The following E2F8 variants were observed in gnomAD, a reference collection of about 807,000 sequenced individuals.
The protein encoded by E2F8 is transcription factor E2F8.
Under a neutral mutation model 80.8 loss-of-function variants are expected in E2F8, and 35 were observed. That is an observed-to-expected ratio of 0.43 (90% CI 0.33 to 0.57). The LOEUF is 0.57. Among genes scored for constraint, E2F8 ranks in the 20% least tolerant of loss-of-function variants. The pLI, the probability that E2F8 is intolerant of heterozygous loss-of-function variation, is 0.04. For missense variants in E2F8, 975 were observed against 1,056.2 expected, an observed-to-expected ratio of 0.92 and a Z score of 1.07; for synonymous variants, 386 against 395.0, an observed-to-expected ratio of 0.98 and a Z score of 0.27.
chr11:19,227,943 C>T (rs964610285), intron 10 of E2F8, among the ~76,000 whole-genome samples: 5 of 152,054 alleles, frequency 3.3e-5, no homozygotes, highest in African/African-American at 9.7e-5. Context: ...AAAAATTAGC[C>T]GGGCATGGCA....
At chr11:19,225,942 A>G in intron 10 of E2F8, 78 bp from the exon 11 acceptor site, 7 of 1,526,908 alleles carry the variant, frequency 4.6e-6, no homozygotes, top group Non-Finnish European at 5.3e-6. Context: ...TTCAGGACTA[A>G]TATCCCTTGG....
rs117985474 is a variant in E2F8 at position 19,228,591 on chromosome 11, A to T, written c.1893+863T>A. ...CACAGTGCTTTATATCCAGTAGGTG[A>T]TGAGGAAAAACTGGTGGAATAAATT... On this transcript the variant is annotated intron_variant, in intron 10 of 12. Transcript: ENST00000250024. Among the ~76,000 whole-genome samples the T allele has an allele frequency of 1.7e-3, 266 of 152,360 alleles. 3 individuals are homozygous for T. The highest frequency in any genetic ancestry group is 2.8e-3 in the Non-Finnish European group (188 of 68,030).
chr11:19,233,613 G>C (rs988111647), intron 6 of E2F8, among the ~76,000 whole-genome samples: 1 of 151,874 alleles, frequency 6.6e-6, no homozygotes, highest in African/African-American at 2.4e-5. Flanking sequence ...TCAGCCTCCT[G>C]AGTAACTGGG....
chr11:19,230,543 G>T, intron 8 of E2F8, 88 bp downstream of exon 8: 1 of 1,429,500 alleles, frequency 7.0e-7, no homozygotes, highest in South Asian at 1.3e-5. Flanking sequence ...ATAATTCTCT[G>T]ACAACTATTG....
In E2F8 at chr11:19,237,433, G is replaced by T; in HGVS notation, c.332C>A (p.Pro111Gln). ...TCCTAAACTTTTCTCTTTTCGACTTGGTTGGGATTTCTCAAATTCATCTCC... is the reference window on the plus strand; with the variant it reads ...TCCTAAACTTTTCTCTTTTCGACTTTGTTGGGATTTCTCAAATTCATCTCC... Reference protein sequence around the residue: ...LSGDEFEKSQPSRKEKSLGLL... With the variant: ...LSGDEFEKSQQSRKEKSLGLL... The change falls in exon 4 of 13, where the codon CCA (proline) becomes CAA (glutamine). Residue 111 changes from proline to glutamine, a missense_variant. By Grantham distance (76) the Pro-to-Gln change is moderately conservative. Coordinates refer to ENST00000250024, the MANE Select transcript of E2F8 (RefSeq NM_024680.4). 5.0e-6 allele frequency: 8 copies of T among 1,613,926 alleles called. No individual in the cohort carries two copies. The highest frequency in any genetic ancestry group is 6.8e-6 in the Non-Finnish European group (8 of 1,179,956).
At position 19,225,623 on chromosome 11, in the gene E2F8, G is replaced by A; in HGVS notation, c.2027-8C>T. On this transcript the variant is annotated splice_polypyrimidine_tract_variant and splice_region_variant and intron_variant, in intron 11 of 12. Coordinates refer to ENST00000250024, the MANE Select transcript of E2F8 (RefSeq NM_024680.4). ...ATGTCACTGGAATAACACCTGGAAG[G>A]AAAAGGGGGAAGATATCTTAAAAGC... 1.2e-6 allele frequency: 2 copies of A among 1,611,928 alleles called. No homozygotes were observed. The highest frequency in any genetic ancestry group is 2.2e-5 in the South Asian group (2 of 90,966).
intron 10 of E2F8, 60 bp from the exon 11 acceptor site, chr11:19,225,924 G>A (rs565015670): frequency 1.5e-5 from 23 of 1,567,758 alleles, no homozygotes; most frequent in Non-Finnish European, 1.8e-5. Flanking sequence ...AAATGGCCAC[G>A]TGCCTCTTTC....
rs1414665375 is a variant in E2F8, at chr11:19,224,611, C to T, written c.*47G>A. 1 of 1,590,126 alleles carries T rather than the reference C, an allele frequency of 6.3e-7. No individual in the cohort carries two copies. The highest frequency in any genetic ancestry group is 1.3e-5 in the African/African-American group (1 of 74,258). ...CCAAATCAGTCTGTGTACATTTTCT[C>T]TATTAAACAACTCTTTAGAAAATTA... On this transcript the variant is annotated 3_prime_UTR_variant, in exon 13 of 13. Transcript: ENST00000250024.
chr11:19,230,241 C>A lies in E2F8; in HGVS notation c.1358G>T (p.Ser453Ile), dbSNP rs758701981. The A allele has an allele frequency of 6.2e-7, 1 of 1,612,026 alleles. No homozygotes were observed. Among genetic ancestry groups the A allele is most frequent in the Non-Finnish European group, 8.5e-7 (1 of 1,179,510 alleles). ...ICKMQLEEQS[S>I]ESRQKVKVQL... is the part of the protein sequence containing the mutation. ...TTATTAAAGAGGATTGCCAACCTACCTTGATTGCTCTTCTAACTGCATTTT... is the reference window on the plus strand; with the variant it reads ...TTATTAAAGAGGATTGCCAACCTACATTGATTGCTCTTCTAACTGCATTTT... Residue 453 changes from serine (S) to isoleucine (I), a missense_variant and splice_region_variant, in exon 9 of 13, where the codon AGT (serine) becomes ATT (isoleucine). Physicochemically the swap from Ser to Ile is moderately radical, Grantham distance 142. Coordinates refer to ENST00000250024, the MANE Select transcript of E2F8 (RefSeq NM_024680.4).
chr11:19,232,722 T>G (rs117811261), intron 6 of E2F8, among the ~76,000 whole-genome samples: 246 of 152,334 alleles, frequency 1.6e-3, no homozygotes, highest in Non-Finnish European at 3.1e-3. Flanking sequence ...TTCAGAAGAA[T>G]TTTATGAGCA....
chr11:19,229,349 T>C lies in E2F8; in HGVS notation c.1893+105A>G. The C allele has an allele frequency of 1.4e-6, 2 of 1,457,456 alleles. No individual in the cohort carries two copies. The highest frequency in any genetic ancestry group is 1.8e-6 in the Non-Finnish European group (2 of 1,081,430). The allele number at this position is 1,457,456 out of a possible 1,614,324, so 90.3% of individuals were successfully genotyped here. On this transcript the variant is annotated intron_variant, in intron 10 of 12. Transcript: ENST00000250024. The surrounding 1 kb of genome is among the most constrained non-coding windows in gnomAD (Gnocchi z 4.3). ...TTATGGGATGCTAAGGAACAGTTCCTTGTCTTCTGAGAGAATGCTCTTCGG... is the reference window on the plus strand; with the variant it reads ...TTATGGGATGCTAAGGAACAGTTCCCTGTCTTCTGAGAGAATGCTCTTCGG...
intron 10 of E2F8, among the ~76,000 whole-genome samples, chr11:19,227,097 G>A (rs568363847): frequency 3.3e-5 from 5 of 152,234 alleles, no homozygotes; most frequent in South Asian, 2.1e-4. Flanking sequence ...GCTAAAAACC[G>A]CTCTTATAAA....
At chr11:19,235,654 C>G (rs1851498412) in intron 4 of E2F8, among the ~76,000 whole-genome samples, 1 of 80,328 alleles carries the variant, frequency 1.2e-5, no homozygotes, top group Middle Eastern at 5.6e-3. Flanking sequence ...GTCTCAAAAA[C>G]AAACAAACAA....
chr11:19,225,708 G>C (rs763527229), intron 11 of E2F8, 24 bp downstream of exon 11: 5 of 1,613,916 alleles, frequency 3.1e-6, no homozygotes, highest in Non-Finnish European at 4.2e-6. Context: ...GCCCACATCT[G>C]GTTAGTGTTT....
rs772548159 is a variant in E2F8 at position 19,225,861 on chromosome 11, A to T, written c.1897T>A (p.Leu633Met). 9.9e-6 allele frequency: 16 copies of T among 1,612,290 alleles called. 1 individual carries two copies. The South Asian group carries it at 1.7e-4, about 17-fold the overall frequency. Residue 633 changes from leucine to methionine, a missense_variant, in exon 11 of 13, where the codon TTG becomes ATG. Leu to Met is a conservative substitution (Grantham distance 15). Transcript: ENST00000250024. The stretch of plus-strand genomic sequence containing the variant: ...GGGATTAGGTATCCTGATGGGAACA[A>T]GGTCTAGAAAACAAGGAGGAAGGGT... ...LKGLENVSAT[L>M]FPSGYLIPLT...
At position 19,224,735 on chromosome 11, in the gene E2F8, C is replaced by T. The variant is rs761312547; in HGVS notation, c.2527G>A (p.Gly843Ser). The T allele has an allele frequency of 2.5e-6, 4 of 1,613,988 alleles. No individual in the cohort carries two copies. Among genetic ancestry groups the T allele is most frequent in the Non-Finnish European group, 8.5e-7 (1 of 1,180,020 alleles). Residue 843 changes from glycine (G) to serine (S), a missense_variant, in exon 13 of 13, where the codon GGT becomes AGT. Transcript: ENST00000250024. ...GTTCCTAAGGAGGTTTTATTAGCACCCTCAAAATCCATGCAGGATGAGCTG... is the reference window on the plus strand; with the variant it reads ...GTTCCTAAGGAGGTTTTATTAGCACTCTCAAAATCCATGCAGGATGAGCTG... ...PTSSSCMDFE[G>S]ANKTSLGTLF...
chr11:19,234,435 C>T lies in E2F8; in HGVS notation c.853G>A (p.Val285Ile). The change falls in exon 6 of 13, where the codon GTA becomes ATA. Residue 285 changes from valine (V) to isoleucine (I), a missense_variant. Transcript: ENST00000250024. ...MLFLVSTPQI[V>I]SLEVAAKILI... is the part of the protein sequence containing the mutation. ...ATCTTGGCAGCAACTTCTAGGCTTA[C>T]TATCTGAGGCGTTGACACCAAAAAC... The T allele has an allele frequency of 6.2e-7, 1 of 1,614,218 alleles. No homozygotes were observed.
intron 10 of E2F8, chr11:19,226,072 A>C: frequency 7.2e-6 from 4 of 559,116 alleles, no homozygotes; most frequent in Non-Finnish European, 1.3e-5. Flanking sequence ...AATGCAGAAC[A>C]TGTTTCTTAA....
Position 19,229,470 on chromosome 11 carries a change from AGTCCTTTTAG to A in E2F8, c.1867_1876del (p.Gly625MetfsTer12). ...TGTACTTACTGCGGAGACATTTTCA[AGTCCTTTTAG>A]GTCCTCTTTAAATTTCTTTTTGGAA... On this transcript the variant is annotated frameshift_variant, in exon 10 of 13. Coordinates refer to ENST00000250024, the MANE Select transcript of E2F8 (RefSeq NM_024680.4). LOFTEE classifies it high-confidence loss of function. This position sits in a 1 kb window ranked among gnomAD's most constrained non-coding sequence, Gnocchi z 4.3. The A allele has an allele frequency of 6.2e-7, 1 of 1,613,372 alleles. No individual in the cohort carries two copies. Among genetic ancestry groups the A allele is most frequent in the South Asian group, 1.1e-5 (1 of 91,004 alleles).
Sources: allele counts gnomAD v4.1 joint callset (sites outside exome capture counted in the v4.1 genomes callset), GRCh38; gene constraint gnomAD v4.1.1; non-coding constraint Gnocchi (gnomAD v3.1); transcripts MANE v1.5; gene names NCBI Gene and HGNC (gene_info 2026-07-23, HGNC 2026-07-21).